Variants in TXLNB observed in about 807,000 individuals in gnomAD.
TXLNB encodes beta-taxilin.
TXLNB carries 37 observed loss-of-function variants against 57.4 expected under a neutral mutation model. The ratio of observed to expected loss-of-function variants is 0.64; its 90% CI spans 0.50 to 0.85. TXLNB has a LOEUF of 0.85. TXLNB is among the 40% of genes least tolerant of loss of function. The pLI is 0.00. For missense variants in TXLNB, 848 were observed against 825.6 expected (o/e 1.03, Z -0.33); for synonymous variants, 302 against 309.6 (o/e 0.98, Z 0.26).
At chr6:139,202,304 G>A in the TXLNB span, among the ~76,000 whole-genome samples, 1 of 152,136 alleles carries the variant, frequency 6.6e-6, no homozygotes, top group African/African-American at 2.4e-5. Context: ...TTCCACTATT[G>A]TACAAATTGG....
At chr6:139,211,611 C>T in the TXLNB span, among the ~76,000 whole-genome samples, 14,177 of 152,138 alleles carry the variant, frequency 0.093, 1,028 homozygotes, top group African/African-American at 0.2. Context: ...TCACCAGCAA[C>T]GGAACAAAGC....
At chr6:139,213,910 C>G in the TXLNB span, among the ~76,000 whole-genome samples, 1 of 152,184 alleles carries the variant, frequency 6.6e-6, no homozygotes, top group Non-Finnish European at 1.5e-5. Context: ...CACATACACT[C>G]TCCCAAGACT....
At chr6:139,178,624 G>A in the TXLNB span, 2 of 150,580 alleles carry the variant, frequency 1.3e-5, no homozygotes, top group African/African-American at 4.9e-5. Flanking sequence ...ACCCAGGCTG[G>A]AGTGCAGTAG....
chr6:139,261,630 C>T (rs1776484564), intron 5 of TXLNB, among the ~76,000 whole-genome samples: 1 of 151,940 alleles, frequency 6.6e-6, no homozygotes, highest in Admixed American at 6.6e-5. Flanking sequence ...CTAATATAAC[C>T]TATTCAAAGT....
chr6:139,203,851 A>G, the TXLNB span, among the ~76,000 whole-genome samples: 2 of 132,588 alleles, frequency 1.5e-5, no homozygotes, highest in African/African-American at 6.0e-5. Context: ...CTTAGCATTT[A>G]TACTTAGGGA....
chr6:139,178,519 CTG>C, the TXLNB span: 7 of 129,886 alleles, frequency 5.4e-5, no homozygotes, highest in Non-Finnish European at 8.1e-5. Context: ...TTTTTTTTAA[CTG>C]TGTGGTTTTT....
rs1314503333 is a variant in TXLNB, at chr6:139,285,304, A to ACACC, written c.424+3171_424+3172insGGTG. Among the ~76,000 whole-genome samples, 27 of 128,228 alleles carry ACACC rather than the reference A, an allele frequency of 2.1e-4. 3 individuals carry two copies. The highest frequency in any genetic ancestry group is 7.6e-4 in the African/African-American group (26 of 33,992). 84.1% of individuals were successfully genotyped at this position (128,228 alleles called of 152,430 possible). On this transcript the variant is annotated intron_variant, in intron 2 of 9. Transcript: ENST00000358430. ...CACACACACACACACACACACACAC[A>ACACC]CCCCAATTCTTATGTAAAAGTTTTA...
At chr6:139,264,436 C>CT (rs1448139968) in intron 4 of TXLNB, among the ~76,000 whole-genome samples, 1 of 151,630 alleles carries the variant, frequency 6.6e-6, no homozygotes, top group African/African-American at 2.4e-5. Context: ...TGGGAACTGG[C>CT]TATAGAAAGA....
At chr6:139,202,325 A>G in the TXLNB span, among the ~76,000 whole-genome samples, 1 of 151,402 alleles carries the variant, frequency 6.6e-6, no homozygotes, top group Non-Finnish European at 1.5e-5. Flanking sequence ...CCATTTTAGG[A>G]ATTTCAAACT....
At chr6:139,174,111 A>G in the TXLNB span, among the ~76,000 whole-genome samples, 14 of 152,210 alleles carry the variant, frequency 9.2e-5, no homozygotes, top group Non-Finnish European at 1.5e-4. Context: ...GGATGGACCC[A>G]TTATGTAAGC....
chr6:139,318,996 G>A, the TXLNB span, among the ~76,000 whole-genome samples: 4 of 139,846 alleles, frequency 2.9e-5, no homozygotes, highest in African/African-American at 1.1e-4. Flanking sequence ...AGGCTGGAGT[G>A]CAATGGCGCG....
chr6:139,211,593 G>A, the TXLNB span, among the ~76,000 whole-genome samples: 15 of 152,188 alleles, frequency 9.9e-5, no homozygotes, highest in Non-Finnish European at 2.1e-4. Flanking sequence ...CCAAAGGAAC[G>A]CAGCTCCTCA....
chr6:139,217,609 C>T, the TXLNB span, among the ~76,000 whole-genome samples: 1 of 152,038 alleles, frequency 6.6e-6, no homozygotes, highest in Admixed American at 6.5e-5. Flanking sequence ...CGGCTCACAC[C>T]TGTAATCCTG....
intron 4 of TXLNB, among the ~76,000 whole-genome samples, chr6:139,266,998 C>A (rs1776632817): frequency 6.9e-6 from 1 of 145,206 alleles, no homozygotes; most frequent in Non-Finnish European, 1.5e-5. Context: ...AATAGGTTCT[C>A]TCAATGCAGA....
At chr6:139,228,652 A>T in the TXLNB span, among the ~76,000 whole-genome samples, 1 of 151,932 alleles carries the variant, frequency 6.6e-6, no homozygotes, top group African/African-American at 2.4e-5. Flanking sequence ...TCTTGGCTTG[A>T]TTCTACCTGC....
chr6:139,252,339 TAG>T (rs1776229360), intron 7 of TXLNB, among the ~76,000 whole-genome samples: 1 of 152,212 alleles, frequency 6.6e-6, no homozygotes, highest in South Asian at 2.1e-4. Flanking sequence ...GAATCTGTGA[TAG>T]AGTTTGTTTT....
At chr6:139,202,242 C>A in the TXLNB span, among the ~76,000 whole-genome samples, 1 of 152,168 alleles carries the variant, frequency 6.6e-6, no homozygotes, top group East Asian at 1.9e-4. Context: ...AATCATGTGA[C>A]CTCTGGTTTA....
the TXLNB span, among the ~76,000 whole-genome samples, chr6:139,202,367 T>C: frequency 6.6e-6 from 1 of 152,218 alleles, no homozygotes; most frequent in Non-Finnish European, 1.5e-5. Flanking sequence ...TATTTTATTT[T>C]TATTTTGGTT....
chr6:139,206,176 C>T, the TXLNB span, among the ~76,000 whole-genome samples: 3 of 152,260 alleles, frequency 2.0e-5, no homozygotes, highest in Admixed American at 6.5e-5. Context: ...GCTAAAAGGG[C>T]TTCTAAGTCT....
Sources: gnomAD v4.1 joint callset for allele counts (sites outside exome capture counted in the v4.1 genomes callset) on GRCh38, gnomAD v4.1.1 for gene constraint, MANE v1.5 for transcripts, NCBI Gene and HGNC (gene_info 2026-07-23, HGNC 2026-07-21) for gene names.